The following PLCL1 variants were observed in gnomAD, a reference collection of about 807,000 sequenced individuals.
PLCL1 encodes the protein inactive phospholipase C-like protein 1.
PLCL1 carries 41 observed loss-of-function variants against 84.4 expected under a neutral mutation model. That is an observed-to-expected ratio of 0.49 (90% CI 0.38 to 0.63). The LOEUF is 0.63. Among genes scored for constraint, PLCL1 ranks in the 30% least tolerant of loss-of-function variants. The pLI is 0.00. For missense variants in PLCL1, 1,206 were observed against 1,367.8 expected, an observed-to-expected ratio of 0.88 and a Z score of 1.87; for synonymous variants, 490 against 488.3, an observed-to-expected ratio of 1.00 and a Z score of -0.05.
intron 3 of PLCL1, among the ~76,000 whole-genome samples, chr2:198,095,020 C>T (rs1030089653): frequency 6.6e-6 from 1 of 152,086 alleles, no homozygotes; most frequent in Non-Finnish European, 1.5e-5. Context: ...GTAGAAAAGG[C>T]TCTAAAAGTC....
intron 1 of PLCL1, among the ~76,000 whole-genome samples, chr2:198,031,045 T>C (rs962586036): frequency 2.0e-5 from 3 of 152,180 alleles, no homozygotes; most frequent in Admixed American, 1.3e-4. Flanking sequence ...CCATACATCA[T>C]GCCTTAGTTG....
intron 5 of PLCL1, among the ~76,000 whole-genome samples, chr2:198,108,148 C>T (rs1693533267): frequency 6.6e-6 from 1 of 151,834 alleles, no homozygotes; most frequent in African/African-American, 2.4e-5. Context: ...TTTCAGAGCT[C>T]CTCTAAGTAT....
rs147302397 is a variant in PLCL1 at position 197,929,446 on chromosome 2, G to C, written c.240+124107G>C. On this transcript the variant is annotated intron_variant, in intron 1 of 5. Coordinates refer to ENST00000428675, the MANE Select transcript of PLCL1 (RefSeq NM_006226.4). Reference sequence around the variant, plus strand: ...TGGGCAGGAAGGCTCCTGCTCTTCAGTTGGAAGTGGCTGCAGCTGTTATTA... The same window carrying C: ...TGGGCAGGAAGGCTCCTGCTCTTCACTTGGAAGTGGCTGCAGCTGTTATTA... Among the ~76,000 whole-genome samples the C allele has an allele frequency of 3.5e-3, 529 of 152,294 alleles. 4 individuals are homozygous for C. The highest frequency in any genetic ancestry group is 0.012 in the African/African-American group (491 of 41,566).
chr2:198,088,873 A>G lies in PLCL1; in HGVS notation c.2731A>G (p.Ile911Val), dbSNP rs765178648. The G allele has an allele frequency of 6.2e-6, 10 of 1,607,902 alleles. No individual in the cohort carries two copies. Among genetic ancestry groups the G allele is most frequent in the African/African-American group, 1.3e-5 (1 of 74,760 alleles). The part of the protein sequence containing the change: ...RENMQNAIVS[I>V]KELCGLPPIA... ...TTCCTCACAGAATGCAATCGTGTCT[A>G]TTAAGGAACTATGTGGACTCCCTCC... Residue 911 changes from isoleucine (I) to valine (V), a missense_variant, in exon 3 of 6, where the codon ATT becomes GTT. Transcript: ENST00000428675.
At chr2:198,046,496 G>T (rs1318207992) in intron 1 of PLCL1, among the ~76,000 whole-genome samples, 1 of 152,194 alleles carries the variant, frequency 6.6e-6, no homozygotes, top group Admixed American at 6.5e-5. Context: ...AAGTAAAACA[G>T]AGAAAGATAT....
chr2:197,996,631 A>G (rs1360609282), intron 1 of PLCL1, among the ~76,000 whole-genome samples: 2 of 152,088 alleles, frequency 1.3e-5, no homozygotes, highest in Admixed American at 6.5e-5. Flanking sequence ...AAAGCCAGTG[A>G]AGATCAGTTA....
At chr2:198,022,616 A>C (rs1024995619) in intron 1 of PLCL1, among the ~76,000 whole-genome samples, 2 of 152,204 alleles carry the variant, frequency 1.3e-5, no homozygotes, top group Admixed American at 1.3e-4. Context: ...AGACAAACAG[A>C]GGGACAAATC....
intron 1 of PLCL1, among the ~76,000 whole-genome samples, chr2:197,918,853 A>C (rs1178696854): frequency 1.3e-5 from 2 of 151,982 alleles, no homozygotes; most frequent in Non-Finnish European, 1.5e-5. Context: ...AGGTGGGAGG[A>C]TCACTTGAGC....
chr2:198,134,584 A>G (rs914526981), intron 5 of PLCL1, among the ~76,000 whole-genome samples: 7 of 152,164 alleles, frequency 4.6e-5, no homozygotes, highest in African/African-American at 1.7e-4. Flanking sequence ...GGCCAGCCGT[A>G]CACATGCCAT....
intron 3 of PLCL1, among the ~76,000 whole-genome samples, chr2:198,091,444 C>G (rs1319513789): frequency 6.6e-6 from 1 of 151,966 alleles, no homozygotes; most frequent in African/African-American, 2.4e-5. Context: ...CTTTAGGAGG[C>G]CGAGGCGGGT....
intron 1 of PLCL1, among the ~76,000 whole-genome samples, chr2:197,851,515 G>A (rs531495084): frequency 6.6e-6 from 1 of 152,228 alleles, no homozygotes; most frequent in Non-Finnish European, 1.5e-5. Context: ...TGAAGCTATT[G>A]GTGTTTATGG....
intron 1 of PLCL1, among the ~76,000 whole-genome samples, chr2:198,035,213 C>A (rs928584918): frequency 6.6e-6 from 1 of 152,154 alleles, no homozygotes; most frequent in Non-Finnish European, 1.5e-5. Context: ...AGGTAGAATG[C>A]TAGAGTGAAC....
At chr2:198,076,603 C>T (rs1307895838) in intron 1 of PLCL1, among the ~76,000 whole-genome samples, 1 of 152,130 alleles carries the variant, frequency 6.6e-6, no homozygotes, top group Non-Finnish European at 1.5e-5. Context: ...TTGGGTTATG[C>T]TTCAGCTACT....
chr2:197,950,354 C>A (rs1689365107), intron 1 of PLCL1, among the ~76,000 whole-genome samples: 2 of 152,146 alleles, frequency 1.3e-5, no homozygotes, highest in South Asian at 4.1e-4. Flanking sequence ...CCCCGTCCAG[C>A]ACCTGAATTC....
In PLCL1 at chr2:197,942,362, G is replaced by A. The variant is rs112036521; in HGVS notation, c.240+137023G>A. On this transcript the variant is annotated intron_variant, in intron 1 of 5. Coordinates refer to ENST00000428675, the MANE Select transcript of PLCL1 (RefSeq NM_006226.4). ...CCCCATCTAGAAAATTCATTCCTCC[G>A]TATTGCCACTACCACTGAATTTCTC... Among the ~76,000 whole-genome samples, 17 of 151,962 alleles carry A rather than the reference G, an allele frequency of 1.1e-4. 1 individual carries two copies. Among genetic ancestry groups the A allele is most frequent in the African/African-American group, 3.4e-4 (14 of 41,432 alleles).
At chr2:197,931,561 C>T (rs531839456) in intron 1 of PLCL1, among the ~76,000 whole-genome samples, 1 of 152,138 alleles carries the variant, frequency 6.6e-6, no homozygotes, top group South Asian at 2.1e-4. Flanking sequence ...GGTGGGGTTC[C>T]TGTCTTCCTG....
intron 1 of PLCL1, among the ~76,000 whole-genome samples, chr2:198,041,665 T>C (rs1691667307): frequency 1.3e-5 from 2 of 152,112 alleles, no homozygotes; most frequent in African/African-American, 2.4e-5. Flanking sequence ...CTCCTGGAAG[T>C]AAATACTGAA....
chr2:198,036,880 G>C lies in PLCL1; in HGVS notation c.241-46878G>C, dbSNP rs1039004679. 2.6e-5 allele frequency among the ~76,000 whole-genome samples: 4 copies of C among 152,168 alleles called. No homozygotes were observed. In the East Asian group the frequency reaches 7.7e-4, roughly 29 times the overall value. On this transcript the variant is annotated intron_variant, in intron 1 of 5. Transcript: ENST00000428675. ...TAGGAAGTCCCAGTTCTGCTACCTT[G>C]CATAAAGGTTCTTCCAAGGCAGACA...
At chr2:197,847,433 GA>G (rs1687141043) in intron 1 of PLCL1, among the ~76,000 whole-genome samples, 1 of 152,104 alleles carries the variant, frequency 6.6e-6, no homozygotes, top group Non-Finnish European at 1.5e-5. Context: ...TATTTTCATA[GA>G]GAGAATGGCT....
Sources: allele counts gnomAD v4.1 joint callset (sites outside exome capture counted in the v4.1 genomes callset), GRCh38; gene constraint gnomAD v4.1.1; transcripts MANE v1.5; gene names NCBI Gene and HGNC (gene_info 2026-07-23, HGNC 2026-07-21).